Variants in SAMMSON observed in about 807,000 individuals in gnomAD.
SAMMSON encodes the protein long intergenic non-protein coding RNA 1212.
chr3:70,126,375 G>T, intron 4 of SAMMSON: 1 of 943,264 alleles, frequency 1.1e-6, no homozygotes, highest in Non-Finnish European at 1.7e-6. Flanking sequence ...TCTTGTCAAT[G>T]CCTTTATAGC....
At chr3:70,002,443 T>C (rs1401049755) in intron 1 of SAMMSON, among the ~76,000 whole-genome samples, 3 of 152,154 alleles carry the variant, frequency 2.0e-5, no homozygotes, top group Non-Finnish European at 4.4e-5. Context: ...AATAGGAAAT[T>C]TAGAAAACTC....
chr3:70,284,009 T>C (rs1274156283), intron 6 of SAMMSON, among the ~76,000 whole-genome samples: 5 of 152,140 alleles, frequency 3.3e-5, no homozygotes. Context: ...GGGGTTTCCA[T>C]GCCTTTGGGT....
intron 7 of SAMMSON, among the ~76,000 whole-genome samples, chr3:70,329,322 A>C (rs1420734135): frequency 6.6e-6 from 1 of 152,108 alleles, no homozygotes; most frequent in African/African-American, 2.4e-5. Context: ...CTAAAATACT[A>C]TCTGTGAGAC....
intron 7 of SAMMSON, among the ~76,000 whole-genome samples, chr3:70,299,171 T>C (rs906860373): frequency 6.6e-6 from 1 of 152,180 alleles, no homozygotes; most frequent in African/African-American, 2.4e-5. Flanking sequence ...ATTTTGTTAC[T>C]TCATAGAATA....
At chr3:70,377,180 A>G (rs1223768883) in intron 9 of SAMMSON, among the ~76,000 whole-genome samples, 2 of 152,174 alleles carry the variant, frequency 1.3e-5, no homozygotes, top group African/African-American at 4.8e-5. Flanking sequence ...ATGTGGAAGA[A>G]TAAGTGTCCA....
At chr3:70,001,838 A>G (rs1210353990) in intron 1 of SAMMSON, among the ~76,000 whole-genome samples, 1 of 152,214 alleles carries the variant, frequency 6.6e-6, no homozygotes. Flanking sequence ...TCCAGACAAG[A>G]TGATGGAGCA....
chr3:70,343,899 A>T (rs1426346446), intron 7 of SAMMSON, among the ~76,000 whole-genome samples: 1 of 149,764 alleles, frequency 6.7e-6, no homozygotes, highest in Non-Finnish European at 1.5e-5. Context: ...TTACATTATA[A>T]TGTATATATA....
At chr3:70,188,070 G>A (rs151017555) in intron 4 of SAMMSON, among the ~76,000 whole-genome samples, 3 of 152,218 alleles carry the variant, frequency 2.0e-5, no homozygotes, top group East Asian at 3.9e-4. Context: ...CCATAAACTC[G>A]TCTCTATCTG....
At chr3:70,149,684 G>A (rs1404378723) in intron 4 of SAMMSON, among the ~76,000 whole-genome samples, 4 of 152,082 alleles carry the variant, frequency 2.6e-5, no homozygotes. Flanking sequence ...AGCTGCCAGA[G>A]GTGATTTTTA....
At position 70,018,900 on chromosome 3, in the gene SAMMSON, G is replaced by A. The variant is rs1413528346; in HGVS notation, n.417+5228G>A. ...CATGTAGTTGAGTGGTTTTGAGTGA[G>A]TTTCTTAATCCTGAGTTCTAGTTTG... On this transcript the variant is annotated intron_variant and non_coding_transcript_variant, in intron 3 of 9. Coordinates refer to ENST00000642114, the Ensembl canonical transcript of SAMMSON. Among the ~76,000 whole-genome samples the A allele has an allele frequency of 5.8e-3, 876 of 152,040 alleles. 5 individuals are homozygous for A. The highest frequency in any genetic ancestry group is 0.019 in the African/African-American group (780 of 41,334).
At chr3:70,264,748 TAGC>T (rs1257056454) in intron 6 of SAMMSON, among the ~76,000 whole-genome samples, 2 of 152,230 alleles carry the variant, frequency 1.3e-5, no homozygotes, top group Non-Finnish European at 2.9e-5. Flanking sequence ...CAGGGAATAA[TAGC>T]AGTGTGATGA....
At chr3:70,189,956 A>T (rs1701119186) in intron 4 of SAMMSON, among the ~76,000 whole-genome samples, 1 of 152,190 alleles carries the variant, frequency 6.6e-6, no homozygotes, top group Non-Finnish European at 1.5e-5. Context: ...TATATGGCCA[A>T]GAATTGGATT....
In SAMMSON at chr3:70,234,427, T is replaced by A. The variant is rs112247641; in HGVS notation, n.508-14680T>A. Among the ~76,000 whole-genome samples, 75 of 152,034 alleles carry A rather than the reference T, an allele frequency of 4.9e-4. 1 individual carries two copies. The highest frequency in any genetic ancestry group is 2.5e-4 in the Non-Finnish European group (17 of 67,992). ...ACTTTGGGAAGCTGAGGTAGGTGGATTTCTTGAGCCCAGGAGTTTGAGACC... is the reference window on the plus strand; with the variant it reads ...ACTTTGGGAAGCTGAGGTAGGTGGAATTCTTGAGCCCAGGAGTTTGAGACC... On this transcript the variant is annotated intron_variant and non_coding_transcript_variant, in intron 4 of 9. Transcript: ENST00000642114.
intron 7 of SAMMSON, among the ~76,000 whole-genome samples, chr3:70,347,358 C>T (rs574728752): frequency 1.3e-5 from 2 of 152,302 alleles, no homozygotes; most frequent in East Asian, 3.9e-4. Context: ...TAGAAATAAA[C>T]AAACTTGGCT....
intron 6 of SAMMSON, among the ~76,000 whole-genome samples, chr3:70,267,585 T>TTG (rs1559549288): frequency 2.7e-5 from 4 of 146,756 alleles, no homozygotes; most frequent in Admixed American, 6.7e-5. Context: ...TGTATTTTTT[T>TTG]TTTTTTTTTT....
intron 9 of SAMMSON, among the ~76,000 whole-genome samples, chr3:70,361,563 C>T (rs1366490856): frequency 6.6e-6 from 1 of 152,168 alleles, no homozygotes; most frequent in Admixed American, 6.6e-5. Flanking sequence ...GGCATGAGCC[C>T]GGATCCATAT....
intron 6 of SAMMSON, among the ~76,000 whole-genome samples, chr3:70,274,754 TAAAAC>T (rs1403459299): frequency 2.6e-5 from 4 of 152,134 alleles, no homozygotes; most frequent in African/African-American, 9.7e-5. Flanking sequence ...CCTTGGAACT[TAAAAC>T]AAATATAAAA....
At position 70,274,090 on chromosome 3, in the gene SAMMSON, T is replaced by TGTGTGCGC. The variant is rs770689062; in HGVS notation, n.675-17088_675-17087insTGTGCGCG. On this transcript the variant is annotated intron_variant and non_coding_transcript_variant, in intron 6 of 9. Coordinates refer to ENST00000642114, the Ensembl canonical transcript of SAMMSON. The stretch of plus-strand genomic sequence containing the variant: ...GTGTGTGTGTGTGTGTGTGTGTGTG[T>TGTGTGCGC]GCGCGCGCGCATGTGTGTGTGTGAG... Among the ~76,000 whole-genome samples the TGTGTGCGC allele has an allele frequency of 2.8e-5, 4 of 145,062 alleles. No individual in the cohort carries two copies. In the South Asian group the frequency reaches 8.7e-4, roughly 32 times the overall value.
chr3:70,023,458 C>G (rs1418172066), intron 3 of SAMMSON, among the ~76,000 whole-genome samples: 1 of 146,228 alleles, frequency 6.8e-6, no homozygotes, highest in East Asian at 2.0e-4. Flanking sequence ...AAGACTCTGT[C>G]TCAAAAAAAA....
Sources: gnomAD v4.1 joint callset for allele counts (sites outside exome capture counted in the v4.1 genomes callset) on GRCh38, gnomAD v4.1.1 for gene constraint, MANE v1.5 for transcripts, NCBI Gene and HGNC (gene_info 2026-07-23, HGNC 2026-07-21) for gene names.